The following APBB2 variants were observed in gnomAD, a reference collection of about 807,000 sequenced individuals.
APBB2 encodes the protein amyloid beta precursor protein binding family B member 2.
Under a neutral mutation model 82.5 loss-of-function variants are expected in APBB2, and 38 were observed. The observed-to-expected ratio is 0.46, with a 90% CI of 0.36 to 0.60. APBB2 has a LOEUF of 0.60. Ranked by LOEUF, APBB2 falls within the 20% of genes least tolerant of loss-of-function variation. The pLI, the probability that APBB2 is intolerant of heterozygous loss-of-function variation, is 0.00. For synonymous variants in APBB2, 341 were observed against 368.2 expected, an observed-to-expected ratio of 0.93 and a Z score of 0.85; for missense variants, 772 against 972.3, an observed-to-expected ratio of 0.79 and a Z score of 2.74.
chr4:41,051,689 T>C (rs923891924), intron 4 of APBB2, among the ~76,000 whole-genome samples: 1 of 152,194 alleles, frequency 6.6e-6, no homozygotes, highest in Non-Finnish European at 1.5e-5. Context: ...ACAGTCGATA[T>C]TCTCATTACC....
At position 41,100,984 on chromosome 4, in the gene APBB2, T is replaced by C. The variant is rs143698829; in HGVS notation, c.-260-234A>G. Among the ~76,000 whole-genome samples, 95 of 152,348 alleles carry C rather than the reference T, an allele frequency of 6.2e-4. 1 individual carries two copies. In the East Asian group the frequency reaches 0.013, roughly 21 times the overall value. ...TTATTAAAGTTTCAAAAGCAGGAAC[T>C]AGTGAGGCTTCTTGGCAACCACTCC... On this transcript the variant is annotated intron_variant, in intron 2 of 17. Transcript: ENST00000508593.
chr4:40,857,934 G>C (rs1440308340), intron 12 of APBB2, among the ~76,000 whole-genome samples: 2 of 152,156 alleles, frequency 1.3e-5, no homozygotes, highest in Admixed American at 6.5e-5. Flanking sequence ...TCAAGAGGCA[G>C]AAAATTCTGA....
At chr4:41,071,739 T>C (rs1733972839) in intron 3 of APBB2, among the ~76,000 whole-genome samples, 1 of 152,128 alleles carries the variant, frequency 6.6e-6, no homozygotes, top group African/African-American at 2.4e-5. Context: ...TTGAGAATGA[T>C]CACGATTTTC....
chr4:40,937,925 CAG>C (rs1785784681), intron 7 of APBB2, among the ~76,000 whole-genome samples: 1 of 152,210 alleles, frequency 6.6e-6, no homozygotes, highest in Non-Finnish European at 1.5e-5. Context: ...CACAACCCAA[CAG>C]AGATTCTTTG....
intron 15 of APBB2, among the ~76,000 whole-genome samples, chr4:40,824,445 C>T (rs544061699): frequency 2.6e-4 from 39 of 152,266 alleles, no homozygotes; most frequent in Non-Finnish European, 4.9e-4. Context: ...GTAAAGTGTG[C>T]AATCCAGTGG....
chr4:41,040,395 G>A (rs530279827), intron 4 of APBB2, among the ~76,000 whole-genome samples: 3 of 152,252 alleles, frequency 2.0e-5, no homozygotes, highest in East Asian at 3.9e-4. Flanking sequence ...CAGCACTAAC[G>A]CTATATAACA....
At chr4:40,989,287 C>T (rs1298113420) in intron 6 of APBB2, among the ~76,000 whole-genome samples, 3 of 152,140 alleles carry the variant, frequency 2.0e-5, no homozygotes, top group African/African-American at 7.2e-5. Flanking sequence ...TCCCCCTCAA[C>T]TGGTCACTGA....
intron 12 of APBB2, among the ~76,000 whole-genome samples, chr4:40,883,030 C>T (rs552537964): frequency 3.9e-5 from 6 of 152,202 alleles, no homozygotes; most frequent in African/African-American, 7.2e-5. Flanking sequence ...GAGGCCAGGA[C>T]GGCAACTGAG....
chr4:41,006,851 TAGAAG>T (rs1000422382), intron 6 of APBB2, among the ~76,000 whole-genome samples: 10 of 152,228 alleles, frequency 6.6e-5, no homozygotes, highest in African/African-American at 1.9e-4. Flanking sequence ...AATGAACAGT[TAGAAG>T]AGGTTTCTAA....
At chr4:41,034,998 G>C (rs1175377949) in intron 4 of APBB2, among the ~76,000 whole-genome samples, 1 of 152,198 alleles carries the variant, frequency 6.6e-6, no homozygotes, top group African/African-American at 2.4e-5. Context: ...ATATCAGGAT[G>C]ATGGGGGTGG....
intron 7 of APBB2, among the ~76,000 whole-genome samples, chr4:40,940,988 TG>T (rs1786742756): frequency 6.6e-6 from 1 of 152,248 alleles, no homozygotes; most frequent in Non-Finnish European, 1.5e-5. Context: ...AAAATACTGC[TG>T]GCATATGCAG....
intron 1 of APBB2, among the ~76,000 whole-genome samples, chr4:41,152,669 T>G (rs1762575904): frequency 6.6e-6 from 1 of 152,220 alleles, no homozygotes; most frequent in African/African-American, 2.4e-5. Context: ...TGGCTTGTTT[T>G]CTTGTAGGAC....
At chr4:41,120,453 G>A (rs1376476713) in intron 2 of APBB2, among the ~76,000 whole-genome samples, 7 of 152,152 alleles carry the variant, frequency 4.6e-5, no homozygotes, top group Non-Finnish European at 1.5e-5. Context: ...CAAAAGCCAA[G>A]GAACAAAAAC....
At chr4:41,202,735 G>A (rs1468795342) in intron 1 of APBB2, among the ~76,000 whole-genome samples, 1 of 152,130 alleles carries the variant, frequency 6.6e-6, no homozygotes, top group Non-Finnish European at 1.5e-5. Flanking sequence ...TAAAATAAAT[G>A]TGCTTTAATG....
At chr4:40,945,290 C>T (rs913326939) in intron 6 of APBB2, among the ~76,000 whole-genome samples, 1 of 152,152 alleles carries the variant, frequency 6.6e-6, no homozygotes. Context: ...GAAAGGAAGG[C>T]TAACACCTGA....
chr4:40,957,343 T>C (rs1203460010), intron 6 of APBB2, among the ~76,000 whole-genome samples: 1 of 152,166 alleles, frequency 6.6e-6, no homozygotes, highest in Non-Finnish European at 1.5e-5. Context: ...AGGTAATTTG[T>C]ACTTAGATCA....
chr4:40,996,691 C>CA (rs1436456298), intron 6 of APBB2, among the ~76,000 whole-genome samples: 1 of 152,168 alleles, frequency 6.6e-6, no homozygotes. Flanking sequence ...TGATTCTACT[C>CA]ACTCCCTCTC....
intron 12 of APBB2, among the ~76,000 whole-genome samples, chr4:40,871,020 G>A (rs2154340663): frequency 6.6e-6 from 1 of 151,680 alleles, no homozygotes; most frequent in South Asian, 2.1e-4. Flanking sequence ...ATATATATAT[G>A]TGTAAGTGTC....
At chr4:40,997,641 C>T (rs111647432) in intron 6 of APBB2, among the ~76,000 whole-genome samples, 235 of 152,252 alleles carry the variant, frequency 1.5e-3, no homozygotes, top group African/African-American at 5.5e-3. Context: ...GAGATTGAAG[C>T]TATTTTCATA....
Sources: gnomAD v4.1 joint callset for allele counts (sites outside exome capture counted in the v4.1 genomes callset) on GRCh38, gnomAD v4.1.1 for gene constraint, MANE v1.5 for transcripts, NCBI Gene and HGNC (gene_info 2026-07-23, HGNC 2026-07-21) for gene names.